The following EEA1 variants were observed in gnomAD, a reference collection of about 807,000 sequenced individuals.
The protein encoded by EEA1 is early endosome antigen 1, 162kD.
Under a neutral mutation model 209.2 loss-of-function variants are expected in EEA1, and 111 were observed. The observed-to-expected ratio is 0.53, with a 90% CI of 0.45 to 0.62. The LOEUF (loss-of-function observed/expected upper bound fraction) is 0.62. EEA1 is among the 20% of genes least tolerant of loss of function. The pLI is 0.00. For synonymous variants in EEA1, 536 were observed against 540.6 expected, an observed-to-expected ratio of 0.99 and a Z score of 0.12; for missense variants, 1,343 against 1,530.8, an observed-to-expected ratio of 0.88 and a Z score of 2.05.
chr12:92,817,864 G>T (rs1875867456), intron 14 of EEA1, among the ~76,000 whole-genome samples: 1 of 152,030 alleles, frequency 6.6e-6, no homozygotes, highest in African/African-American at 2.4e-5. Flanking sequence ...TTACTCTAGG[G>T]TTAGTTTAGC....
intron 2 of EEA1, among the ~76,000 whole-genome samples, chr12:92,867,358 T>C (rs942423742): frequency 3.9e-5 from 6 of 152,194 alleles, no homozygotes; most frequent in African/African-American, 1.4e-4. Flanking sequence ...TTTTCATCCA[T>C]ATTTCCATAA....
intron 1 of EEA1, among the ~76,000 whole-genome samples, chr12:92,893,301 C>A (rs1382664289): frequency 4.6e-5 from 7 of 152,162 alleles, no homozygotes. Context: ...CCACACTTTA[C>A]AAATGAGGGA....
rs182101693 is a variant in EEA1 at position 92,828,343 on chromosome 12, T to C, written c.1255-282A>G. 8.5e-5 allele frequency among the ~76,000 whole-genome samples: 13 copies of C among 152,240 alleles called. No individual in the cohort carries two copies. In the East Asian group the frequency reaches 2.3e-3, roughly 27 times the overall value. ...ACAAATGCAGGTTCTTGTTTGGATA[T>C]AAGTGTTGGAACTTTCAGGAACTTA... On this transcript the variant is annotated intron_variant, in intron 11 of 28. Transcript: ENST00000322349.
chr12:92,855,998 G>C (rs1877862247), intron 5 of EEA1, among the ~76,000 whole-genome samples: 1 of 152,094 alleles, frequency 6.6e-6, no homozygotes, highest in African/African-American at 2.4e-5. Flanking sequence ...AATTAGAAAA[G>C]CTGAGTAGTA....
At chr12:92,853,590 A>T (rs573607878) in intron 6 of EEA1, among the ~76,000 whole-genome samples, 17 of 152,330 alleles carry the variant, frequency 1.1e-4, no homozygotes, top group African/African-American at 2.9e-4. Context: ...TCAACTCCTA[A>T]TACTTCATCA....
chr12:92,801,757 G>T, intron 19 of EEA1, 56 bp from the exon 20 acceptor site: 1 of 1,254,024 alleles, frequency 8.0e-7, no homozygotes, highest in Non-Finnish European at 1.1e-6. Flanking sequence ...ACCTTAAGAA[G>T]TTTAGTTTAT....
At chr12:92,799,868 A>G (rs192669257) in intron 20 of EEA1, among the ~76,000 whole-genome samples, 3 of 152,298 alleles carry the variant, frequency 2.0e-5, no homozygotes, top group East Asian at 1.9e-4. Context: ...ATAGCTCTAT[A>G]GTAACTATGA....
intron 2 of EEA1, chr12:92,884,610 G>A: frequency 7.1e-7 from 1 of 1,400,302 alleles, no homozygotes; most frequent in East Asian, 2.3e-5. Context: ...GGCCCCTATG[G>A]TGGTGGAGGC....
intron 18 of EEA1, among the ~76,000 whole-genome samples, chr12:92,805,834 C>T (rs942660429): frequency 1.8e-4 from 27 of 152,116 alleles, no homozygotes; most frequent in Non-Finnish European, 2.5e-4. Context: ...ATTTCATATA[C>T]TAATAAATCG....
At chr12:92,888,710 A>G (rs1246038246) in intron 2 of EEA1, among the ~76,000 whole-genome samples, 1 of 152,200 alleles carries the variant, frequency 6.6e-6, no homozygotes, top group Non-Finnish European at 1.5e-5. Flanking sequence ...AATAACCTCT[A>G]ATTTGTGAAG....
intron 2 of EEA1, among the ~76,000 whole-genome samples, chr12:92,873,561 G>A (rs2136733472): frequency 6.6e-6 from 1 of 152,296 alleles, no homozygotes; most frequent in East Asian, 1.9e-4. Context: ...GGAACTGGGA[G>A]GTTAAAATGT....
At chr12:92,895,637 C>A (rs1376956205) in intron 1 of EEA1, among the ~76,000 whole-genome samples, 1 of 152,126 alleles carries the variant, frequency 6.6e-6, no homozygotes, top group Non-Finnish European at 1.5e-5. Flanking sequence ...AACATCCATT[C>A]CGCAGCCTAT....
At chr12:92,854,918 T>G (rs1177269085) in intron 5 of EEA1, among the ~76,000 whole-genome samples, 5 of 152,234 alleles carry the variant, frequency 3.3e-5, no homozygotes, top group Non-Finnish European at 5.9e-5. Flanking sequence ...CCTCATCTAT[T>G]GATATTCCCT....
chr12:92,926,306 T>A (rs1881213460), intron 1 of EEA1, among the ~76,000 whole-genome samples: 1 of 152,204 alleles, frequency 6.6e-6, no homozygotes, highest in African/African-American at 2.4e-5. Flanking sequence ...GAATGCCACA[T>A]AATTTCAAAG....
At position 92,857,428 on chromosome 12, in the gene EEA1, T is replaced by C. The variant is rs764090644; in HGVS notation, c.300+3A>G. 5.6e-6 allele frequency: 9 copies of C among 1,594,110 alleles called. No homozygotes were observed. The highest frequency in any genetic ancestry group is 6.8e-6 in the Non-Finnish European group (8 of 1,172,674). ...AAAAAGGTATAACAATTTTTATTCT[T>C]ACCTTAAGTGAAGCCTGTAGGTCTT... On this transcript the variant is annotated splice_donor_region_variant and intron_variant, in intron 4 of 28. Coordinates refer to ENST00000322349, the MANE Select transcript of EEA1 (RefSeq NM_003566.4).
At chr12:92,897,682 A>C (rs1279030643) in intron 1 of EEA1, among the ~76,000 whole-genome samples, 1 of 152,158 alleles carries the variant, frequency 6.6e-6, no homozygotes, top group African/African-American at 2.4e-5. Flanking sequence ...GACAACTTGC[A>C]GTCACGACCC....
At chr12:92,865,709 T>C (rs1377771093) in intron 2 of EEA1, among the ~76,000 whole-genome samples, 2 of 146,752 alleles carry the variant, frequency 1.4e-5, no homozygotes, top group Admixed American at 6.8e-5. Context: ...GTTGCAACTT[T>C]TATTTTTTTA....
At chr12:92,816,555 C>CGT (rs1034496892) in intron 14 of EEA1, among the ~76,000 whole-genome samples, 155 bp from the exon 15 acceptor site, 1 of 152,152 alleles carries the variant, frequency 6.6e-6, no homozygotes, top group Non-Finnish European at 1.5e-5. Context: ...AATATGTCAA[C>CGT]ATAGTATCTC....
intron 28 of EEA1, 99 bp from the exon 29 acceptor site, chr12:92,776,232 T>C: frequency 8.6e-7 from 1 of 1,162,244 alleles, no homozygotes; most frequent in Non-Finnish European, 1.2e-6. Flanking sequence ...GAAGGTACAT[T>C]AGCTTTCAAG....
Sources: allele counts gnomAD v4.1 joint callset (sites outside exome capture counted in the v4.1 genomes callset), GRCh38; gene constraint gnomAD v4.1.1; transcripts MANE v1.5; gene names NCBI Gene and HGNC (gene_info 2026-07-23, HGNC 2026-07-21).